The following TRIM6 variants were observed in gnomAD, a reference collection of about 807,000 sequenced individuals.
TRIM6 encodes the protein tripartite motif-containing protein 6.
A neutral mutation model predicts 51.2 loss-of-function variants in TRIM6; 43 were observed. The ratio of observed to expected loss-of-function variants is 0.84; its 90% CI spans 0.66 to 1.08. The LOEUF is 1.08. TRIM6 is among the 50% of genes least tolerant of loss of function. TRIM6 has a pLI of 0.00. For synonymous variants in TRIM6, 215 were observed against 232.4 expected (o/e 0.93, Z 0.68); for missense variants, 669 against 619.0 (o/e 1.08, Z -0.86).
In TRIM6 at chr11:5,605,437, A is replaced by G; in HGVS notation, c.704A>G (p.Gln235Arg). 3 of 1,614,220 alleles carry G rather than the reference A, an allele frequency of 1.9e-6. No homozygotes were observed. Among genetic ancestry groups the G allele is most frequent in the Non-Finnish European group, 2.5e-6 (3 of 1,180,042 alleles). ...VEQRELKKLE[Q>R]EEKKGLRIIE... The stretch of plus-strand genomic sequence containing the variant: ...CAACGGGAGCTGAAAAAGCTGGAAC[A>G]GGAAGAGAAGAAGGGGCTACGAATT... The change falls in exon 4 of 8, where the codon CAG becomes CGG. Residue 235 changes from glutamine (Q) to arginine (R), a missense_variant. Physicochemically the swap from Gln to Arg is conservative, Grantham distance 43. Coordinates refer to ENST00000380097, the MANE Select transcript of TRIM6 (RefSeq NM_001003818.3).
intron 4 of TRIM6, among the ~76,000 whole-genome samples, chr11:5,606,950 T>G: frequency 6.6e-6 from 1 of 152,208 alleles, no homozygotes; most frequent in South Asian, 2.1e-4. Flanking sequence ...ACGCCTGTAA[T>G]CCCAGCACTT....
At position 5,603,728 on chromosome 11, in the gene TRIM6, A is replaced by T; in HGVS notation, c.500A>T (p.Glu167Val). The T allele has an allele frequency of 1.2e-6, 2 of 1,613,422 alleles. No homozygotes were observed. The highest frequency in any genetic ancestry group is 1.7e-6 in the Non-Finnish European group (2 of 1,179,870). Reference protein sequence around the residue: ...HTFLVEEVAQEYQEKFQESLK... With the variant: ...HTFLVEEVAQVYQEKFQESLK... ...TTCCTCGTGGAGGAGGTTGCCCAGG[A>T]GTACCAGGTGAGACCCCAGGATGGA... Residue 167 changes from glutamate (E) to valine (V), a missense_variant, in exon 2 of 8, where the codon GAG becomes GTG. Coordinates refer to ENST00000380097, the MANE Select transcript of TRIM6 (RefSeq NM_001003818.3).
rs1163702694 is a variant in TRIM6, at chr11:5,611,141, G to T, written c.1350G>T (p.Leu450=). 5.6e-6 allele frequency: 9 copies of T among 1,613,986 alleles called. No homozygotes were observed. The highest frequency in any genetic ancestry group is 7.6e-6 in the Non-Finnish European group (9 of 1,180,036). Residue 450 remains leucine (L), a synonymous_variant, in exon 8 of 8, where the codon CTG becomes CTT. Coordinates refer to ENST00000380097, the MANE Select transcript of TRIM6 (RefSeq NM_001003818.3). Reference sequence around the variant, plus strand: ...CCTATGAGGATTCTTCCCCTTCCCTGCTTCTCTCCATGACAGTGCCCCCTC... The same window carrying T: ...CCTATGAGGATTCTTCCCCTTCCCTTCTTCTCTCCATGACAGTGCCCCCTC... ...YRAYEDSSPS[L]LLSMTVPPRR...
intron 5 of TRIM6, among the ~76,000 whole-genome samples, chr11:5,608,806 A>G (rs997016588): frequency 6.8e-6 from 1 of 147,168 alleles, no homozygotes; most frequent in Non-Finnish European, 1.5e-5. Context: ...TCTTAAGTTT[A>G]TAGTTACCTC....
intron 4 of TRIM6, among the ~76,000 whole-genome samples, chr11:5,606,929 C>T (rs1279194055): frequency 6.6e-6 from 1 of 152,132 alleles, no homozygotes; most frequent in African/African-American, 2.4e-5. Context: ...CAAGGCCGAG[C>T]GCGGTGGCTC....
chr11:5,610,586 G>T, intron 7 of TRIM6, 25 bp downstream of exon 7: 2 of 1,608,372 alleles, frequency 1.2e-6, no homozygotes, highest in Middle Eastern at 1.7e-4. Context: ...TGGCCTCTTT[G>T]GGCTGGCACA....
At chr11:5,605,087 C>A in intron 3 of TRIM6, 1 of 546,430 alleles carries the variant, frequency 1.8e-6, no homozygotes, top group Non-Finnish European at 3.3e-6. Flanking sequence ...ATCTAAACGT[C>A]ACCCAGGAAT....
chr11:5,606,441 A>G (rs561899630), intron 4 of TRIM6, among the ~76,000 whole-genome samples: 1 of 152,186 alleles, frequency 6.6e-6, no homozygotes, highest in African/African-American at 2.4e-5. Flanking sequence ...TGTAACCTTC[A>G]GAGTGTAAGA....
At chr11:5,597,437 AT>A (rs1482081191) in intron 1 of TRIM6, among the ~76,000 whole-genome samples, 3 of 152,180 alleles carry the variant, frequency 2.0e-5, no homozygotes, top group Non-Finnish European at 4.4e-5. Flanking sequence ...TGGAAATTAA[AT>A]TTTTTGTTTT....
intron 4 of TRIM6, 26 bp downstream of exon 4, chr11:5,605,593 C>A: frequency 6.3e-7 from 1 of 1,590,202 alleles, no homozygotes; most frequent in Non-Finnish European, 8.5e-7. Context: ...GAGCCCAGAT[C>A]TGAGAGTCAA....
intron 5 of TRIM6, 91 bp downstream of exon 5, chr11:5,608,485 T>G (rs1848358829): frequency 6.3e-7 from 1 of 1,576,630 alleles, no homozygotes; most frequent in Non-Finnish European, 8.6e-7. Flanking sequence ...AGAATCAGAG[T>G]GGGGAAGATT....
chr11:5,604,427 A>G, intron 2 of TRIM6, 107 bp from the exon 3 acceptor site: 3 of 1,271,042 alleles, frequency 2.4e-6, no homozygotes, highest in Non-Finnish European at 3.2e-6. Flanking sequence ...CTAGGTTAGG[A>G]CAGGCTTCTT....
In TRIM6 at chr11:5,611,379, C is replaced by A; in HGVS notation, c.*37C>A. 1 of 1,449,744 alleles carries A rather than the reference C, an allele frequency of 6.9e-7. No individual in the cohort carries two copies. The highest frequency in any genetic ancestry group is 9.6e-7 in the Non-Finnish European group (1 of 1,045,668). The allele number at this position is 1,449,744 out of a possible 1,614,324, so 89.8% of individuals were successfully genotyped here. ...TTCCCACCCACTTCTGATAAGTACC[C>A]TGAGGCTTATCAGCATGTGATTCTC... On this transcript the variant is annotated 3_prime_UTR_variant, in exon 8 of 8. Transcript: ENST00000380097.
chr11:5,608,917 C>G (rs987917958), intron 5 of TRIM6, among the ~76,000 whole-genome samples: 2 of 124,282 alleles, frequency 1.6e-5, no homozygotes, highest in Admixed American at 2.0e-4. Flanking sequence ...GTGGTGTGAT[C>G]TCGGCTCACT....
chr11:5,601,397 G>C (rs1261366314), intron 1 of TRIM6, among the ~76,000 whole-genome samples: 1 of 152,176 alleles, frequency 6.6e-6, no homozygotes, highest in Non-Finnish European at 1.5e-5. Context: ...GTCCATGAGG[G>C]ATAAAGAAAG....
At chr11:5,596,522 C>CCCCCCTTCCCCCTT (rs766962700), upstream of TRIM6, 6 of 29,276 alleles carry the variant, frequency 2.0e-4, no homozygotes, top group East Asian at 1.0e-3. Context: ...TTCTCCCCTT[C>CCCCCCTTCCCCCTT]CCCCCTTCCC....
upstream of TRIM6, among the ~76,000 whole-genome samples, chr11:5,596,403 A>AGC (rs1564858531): frequency 6.6e-6 from 1 of 151,228 alleles, no homozygotes; most frequent in African/African-American, 2.4e-5. Flanking sequence ...TCTATTCTAC[A>AGC]AGCTGAAGTA....
intron 1 of TRIM6, among the ~76,000 whole-genome samples, chr11:5,602,681 C>T (rs770090003): frequency 4.6e-5 from 7 of 151,742 alleles, no homozygotes; most frequent in Non-Finnish European, 8.8e-5. Flanking sequence ...TCTCCAGGTG[C>T]GGTGGCTCAT....
chr11:5,608,307 A>C, intron 4 of TRIM6, 65 bp from the exon 5 acceptor site: 1 of 1,603,376 alleles, frequency 6.2e-7, no homozygotes, highest in Non-Finnish European at 8.5e-7. Context: ...GGGACATGGA[A>C]GGAGAAATGT....
Sources: gnomAD v4.1 joint callset for allele counts (sites outside exome capture counted in the v4.1 genomes callset) on GRCh38, gnomAD v4.1.1 for gene constraint, MANE v1.5 for transcripts, NCBI Gene and HGNC (gene_info 2026-07-23, HGNC 2026-07-21) for gene names.